Variants in ZFAND3 observed in about 807,000 individuals in gnomAD.
ZFAND3 encodes the protein AN1-type zinc finger protein 3.
A neutral mutation model predicts 29.6 loss-of-function variants in ZFAND3; 10 were observed. That is an observed-to-expected ratio of 0.34 (90% CI 0.21 to 0.57). ZFAND3 has a LOEUF of 0.57. Among genes scored for constraint, ZFAND3 ranks in the 20% least tolerant of loss-of-function variants. The pLI is 0.86. For missense variants in ZFAND3, 230 were observed against 304.5 expected (o/e 0.76, Z 1.82); for synonymous variants, 128 against 112.6 (o/e 1.14, Z -0.87).
intron 2 of ZFAND3, among the ~76,000 whole-genome samples, chr6:37,936,107 G>A (rs886364241): frequency 6.6e-6 from 1 of 152,108 alleles, no homozygotes; most frequent in African/African-American, 2.4e-5. Flanking sequence ...CATACTGAAG[G>A]CCAGCTATCA....
At chr6:37,929,027 C>T (rs1334661397) in intron 1 of ZFAND3, among the ~76,000 whole-genome samples, 23 of 151,996 alleles carry the variant, frequency 1.5e-4, no homozygotes, top group Admixed American at 1.5e-3. Flanking sequence ...TTTCTAAGAC[C>T]CCCTTCTAAG....
At chr6:37,898,279 C>T (rs1408463178) in intron 1 of ZFAND3, among the ~76,000 whole-genome samples, 1 of 152,092 alleles carries the variant, frequency 6.6e-6, no homozygotes, top group African/African-American at 2.4e-5. Context: ...TTGAAAAGAC[C>T]ATTTTCCCTA....
intron 2 of ZFAND3, among the ~76,000 whole-genome samples, chr6:37,958,453 C>CAAAAAAA (rs11356169): frequency 1.7e-5 from 2 of 114,748 alleles, no homozygotes; most frequent in Non-Finnish European, 3.7e-5. Flanking sequence ...GACTCGGTCT[C>CAAAAAAA]AAAAAAAAAA....
At chr6:37,983,135 A>G (rs1005007445) in intron 2 of ZFAND3, among the ~76,000 whole-genome samples, 1 of 152,146 alleles carries the variant, frequency 6.6e-6, no homozygotes, top group Non-Finnish European at 1.5e-5. Flanking sequence ...GAAGTTTTAT[A>G]ATATAAAAGT....
chr6:38,012,216 T>G (rs1763167738), intron 2 of ZFAND3, among the ~76,000 whole-genome samples: 1 of 152,090 alleles, frequency 6.6e-6, no homozygotes, highest in Non-Finnish European at 1.5e-5. Context: ...AGACATTTGG[T>G]AAAGTACCAA....
chr6:37,844,652 T>C (rs1764144313), intron 1 of ZFAND3, among the ~76,000 whole-genome samples: 2 of 152,076 alleles, frequency 1.3e-5, no homozygotes, highest in Admixed American at 6.5e-5. Flanking sequence ...ACTGGAGCTG[T>C]GGTCTGCTGG....
intron 5 of ZFAND3, among the ~76,000 whole-genome samples, chr6:38,144,210 TAATATATAATATATATATATA>T (rs1766044400): frequency 3.0e-4 from 11 of 37,056 alleles, no homozygotes; most frequent in African/African-American, 1.5e-3. Context: ...TATATATATA[TAATATATAATATATATATATA>T]TTTTTTTTTT....
chr6:37,874,805 A>G (rs1032138510), intron 1 of ZFAND3, among the ~76,000 whole-genome samples: 3 of 151,992 alleles, frequency 2.0e-5, no homozygotes, highest in Admixed American at 6.5e-5. Flanking sequence ...CAAACTCTGG[A>G]CTCAAGCAGT....
At chr6:37,856,722 C>T (rs548990441) in intron 1 of ZFAND3, among the ~76,000 whole-genome samples, 30 of 151,944 alleles carry the variant, frequency 2.0e-4, no homozygotes, top group Non-Finnish European at 3.5e-4. Context: ...TTTTTATATA[C>T]AATAATTTTG....
intron 1 of ZFAND3, among the ~76,000 whole-genome samples, chr6:37,820,480 C>T (rs1272504343): frequency 1.3e-5 from 2 of 152,234 alleles, no homozygotes; most frequent in East Asian, 1.9e-4. Context: ...CGGAGACTTG[C>T]ATCATCACTT....
intron 1 of ZFAND3, among the ~76,000 whole-genome samples, chr6:37,882,613 C>CA (rs1764916655): frequency 6.6e-6 from 1 of 152,008 alleles, no homozygotes; most frequent in African/African-American, 2.4e-5. Context: ...TCCCAATCCC[C>CA]ACCACCCCCA....
chr6:38,147,146 C>T (rs981596178), intron 5 of ZFAND3, among the ~76,000 whole-genome samples: 1 of 152,202 alleles, frequency 6.6e-6, no homozygotes, highest in African/African-American at 2.4e-5. Context: ...TCATCCTCCT[C>T]CCTCTCCACA....
At chr6:38,037,285 C>T (rs1426051476) in intron 2 of ZFAND3, among the ~76,000 whole-genome samples, 2 of 152,206 alleles carry the variant, frequency 1.3e-5, no homozygotes, top group African/African-American at 4.8e-5. Flanking sequence ...ACAACCAATT[C>T]GTGGTGTAGC....
At chr6:38,113,770 C>T (rs1250658681) in intron 4 of ZFAND3, among the ~76,000 whole-genome samples, 2 of 152,210 alleles carry the variant, frequency 1.3e-5, no homozygotes, top group East Asian at 3.8e-4. Context: ...AATATTGCCA[C>T]ACTGAAATTC....
chr6:38,054,263 G>A (rs571796228), intron 2 of ZFAND3, among the ~76,000 whole-genome samples: 4 of 150,392 alleles, frequency 2.7e-5, no homozygotes, highest in Admixed American at 6.6e-5. Context: ...GTGTGGTGGT[G>A]TGCACCTATA....
chr6:38,112,684 T>G (rs1166594259), intron 4 of ZFAND3, among the ~76,000 whole-genome samples: 1 of 152,208 alleles, frequency 6.6e-6, no homozygotes, highest in African/African-American at 2.4e-5. Context: ...TTCCTGGTAG[T>G]CTTTTTCTAA....
chr6:37,844,916 T>C (rs1764150142), intron 1 of ZFAND3, among the ~76,000 whole-genome samples: 1 of 145,168 alleles, frequency 6.9e-6, no homozygotes, highest in Non-Finnish European at 1.5e-5. Flanking sequence ...CCCAGCTACA[T>C]GGGAGGCTGA....
chr6:38,058,560 A>G (rs761361762), intron 2 of ZFAND3, among the ~76,000 whole-genome samples: 1 of 152,216 alleles, frequency 6.6e-6, no homozygotes, highest in Non-Finnish European at 1.5e-5. Flanking sequence ...TAGAGCACTG[A>G]TCACCTTAGC....
chr6:38,142,154 G>T, intron 5 of ZFAND3: 1 of 469,952 alleles, frequency 2.1e-6, no homozygotes, highest in Non-Finnish European at 4.4e-6. Flanking sequence ...TAAGTTACAG[G>T]TCTCTCCCTA....
Sources: allele counts gnomAD v4.1 joint callset (sites outside exome capture counted in the v4.1 genomes callset), GRCh38; gene constraint gnomAD v4.1.1; transcripts MANE v1.5; gene names NCBI Gene and HGNC (gene_info 2026-07-23, HGNC 2026-07-21).